HPSE2: variants seen among roughly 807,000 people sequenced by gnomAD.
The protein encoded by HPSE2 is heparanase 2 (inactive), also known as inactive heparanase-2.
HPSE2 carries 38 observed loss-of-function variants against 60.5 expected under a neutral mutation model. The observed-to-expected ratio is 0.63, with a 90% CI of 0.48 to 0.82. The LOEUF is 0.82. Ranked by LOEUF, HPSE2 falls within the 40% of genes least tolerant of loss-of-function variation. The pLI is 0.00. For missense variants in HPSE2, 713 were observed against 740.4 expected, an observed-to-expected ratio of 0.96 and a Z score of 0.43; for synonymous variants, 295 against 293.2, an observed-to-expected ratio of 1.01 and a Z score of -0.06.
chr10:98,913,048 A>G (rs1023620002), intron 3 of HPSE2, among the ~76,000 whole-genome samples: 36 of 152,328 alleles, frequency 2.4e-4, no homozygotes, highest in African/African-American at 8.7e-4. Flanking sequence ...GTACCCCATA[A>G]ATATATATAC....
At chr10:99,181,397 C>CAAA (rs58049545) in intron 2 of HPSE2, among the ~76,000 whole-genome samples, 3 of 104,764 alleles carry the variant, frequency 2.9e-5, no homozygotes, top group African/African-American at 1.1e-4. Context: ...GACTCCGTCT[C>CAAA]AAAAAAAAAA....
intron 3 of HPSE2, among the ~76,000 whole-genome samples, chr10:99,115,375 C>T (rs976944014): frequency 4.6e-5 from 7 of 151,988 alleles, no homozygotes; most frequent in South Asian, 2.1e-4. Flanking sequence ...AGGATGGTCT[C>T]GATCTCCTGA....
intron 7 of HPSE2, among the ~76,000 whole-genome samples, chr10:98,625,736 G>A (rs375361426): frequency 1.4e-4 from 21 of 152,222 alleles, no homozygotes; most frequent in African/African-American, 4.6e-4. Context: ...AAACATCACC[G>A]AATTTCTAAA....
At position 99,132,195 on chromosome 10, in the gene HPSE2, G is replaced by GAAAGAAAGAAAGAA. The variant is rs1564832790; in HGVS notation, c.610+12042_610+12043insTTCTTTCTTTCTTT. 1.2e-3 allele frequency among the ~76,000 whole-genome samples: 17 copies of GAAAGAAAGAAAGAA among 14,122 alleles called. 1 individual carries two copies. The highest frequency in any genetic ancestry group is 2.2e-3 in the African/African-American group (15 of 6,682). The allele number at this position is 14,122 out of a possible 152,430, so 9.3% of individuals were successfully genotyped here. ...AAAGAAAGAAAGAAAGAAAGAAAGAGAGAGAGAGAGAGAGAGAGAGAGAGA... is the reference window on the plus strand; with the variant it reads ...AAAGAAAGAAAGAAAGAAAGAAAGAGAAAGAAAGAAAGAAAGAGAGAGAGAGAGAGAGAGAGAGA... On this transcript the variant is annotated intron_variant, in intron 3 of 11. Transcript: ENST00000370552.
chr10:99,298,074 C>T, the HPSE2 span, among the ~76,000 whole-genome samples: 103 of 152,230 alleles, frequency 6.8e-4, no homozygotes, highest in Non-Finnish European at 1.4e-3. Flanking sequence ...ACAGAGCTAC[C>T]TACAGCATTA....
At chr10:98,973,907 A>T (rs759035472) in intron 3 of HPSE2, among the ~76,000 whole-genome samples, 2 of 152,164 alleles carry the variant, frequency 1.3e-5, no homozygotes, top group Non-Finnish European at 2.9e-5. Context: ...CATCCTCATC[A>T]TCCTCCATAC....
At chr10:98,941,082 T>G (rs981366611) in intron 3 of HPSE2, among the ~76,000 whole-genome samples, 2 of 141,746 alleles carry the variant, frequency 1.4e-5, no homozygotes, top group African/African-American at 5.9e-5. Context: ...GGGACGTATC[T>G]CAAAAGAATA....
At chr10:98,858,969 C>A (rs1952385087) in intron 3 of HPSE2, among the ~76,000 whole-genome samples, 1 of 152,110 alleles carries the variant, frequency 6.6e-6, no homozygotes, top group South Asian at 2.1e-4. Context: ...CACTTTATTG[C>A]CCGGGCTGGA....
At chr10:99,069,760 A>G (rs1458486948) in intron 3 of HPSE2, among the ~76,000 whole-genome samples, 1 of 151,914 alleles carries the variant, frequency 6.6e-6, no homozygotes, top group Non-Finnish European at 1.5e-5. Flanking sequence ...GTATCATCTC[A>G]TCTAATGCTC....
the HPSE2 span, among the ~76,000 whole-genome samples, chr10:99,248,865 T>G: frequency 6.6e-6 from 1 of 152,320 alleles, no homozygotes; most frequent in Non-Finnish European, 1.5e-5. Context: ...GAGCCCCAGA[T>G]AGGTCTCAGA....
At chr10:98,797,506 A>G (rs1239794307) in intron 3 of HPSE2, among the ~76,000 whole-genome samples, 1 of 152,282 alleles carries the variant, frequency 6.6e-6, no homozygotes, top group African/African-American at 2.4e-5. Context: ...TAACCTCAAA[A>G]GGGTAATCTA....
At chr10:98,676,654 A>T (rs1947649380) in intron 6 of HPSE2, among the ~76,000 whole-genome samples, 1 of 152,078 alleles carries the variant, frequency 6.6e-6, no homozygotes, top group Admixed American at 6.6e-5. Context: ...AGAGGAGAGG[A>T]TTCATGTAGA....
At chr10:99,305,979 G>GCGCGCGCGCGCGCGCGCGCGCACACA in the HPSE2 span, among the ~76,000 whole-genome samples, 1 of 80,580 alleles carries the variant, frequency 1.2e-5, no homozygotes, top group Non-Finnish European at 2.4e-5. Context: ...GCGCGCGCGC[G>GCGCGCGCGCGCGCGCGCGCGCACACA]CACACACACA....
intron 3 of HPSE2, among the ~76,000 whole-genome samples, chr10:98,902,231 A>G (rs1376356034): frequency 6.6e-6 from 1 of 152,186 alleles, no homozygotes; most frequent in Non-Finnish European, 1.5e-5. Context: ...CAGTTTTGCA[A>G]ACTAGGAGGT....
intron 6 of HPSE2, among the ~76,000 whole-genome samples, chr10:98,690,245 A>G (rs1283659882): frequency 6.6e-6 from 1 of 152,194 alleles, no homozygotes; most frequent in Non-Finnish European, 1.5e-5. Flanking sequence ...GAATTGTTAA[A>G]TAACTACAGA....
At chr10:98,646,926 C>T (rs1373162584) in intron 6 of HPSE2, among the ~76,000 whole-genome samples, 1 of 152,184 alleles carries the variant, frequency 6.6e-6, no homozygotes, top group East Asian at 1.9e-4. Flanking sequence ...GCATACTCTT[C>T]CAGTTTTTCA....
intron 9 of HPSE2, among the ~76,000 whole-genome samples, chr10:98,571,307 C>G (rs1462155883): frequency 1.3e-5 from 2 of 151,994 alleles, no homozygotes; most frequent in African/African-American, 4.8e-5. Context: ...AGTTTAAGAC[C>G]AGCCTGGGCA....
intron 11 of HPSE2, among the ~76,000 whole-genome samples, chr10:98,480,817 TC>T (rs1294754770): frequency 6.6e-6 from 1 of 152,176 alleles, no homozygotes; most frequent in Non-Finnish European, 1.5e-5. Context: ...GTATCCTTCC[TC>T]TTTCTCAACC....
chr10:99,202,224 C>T (rs1848598522), intron 2 of HPSE2, among the ~76,000 whole-genome samples: 1 of 151,946 alleles, frequency 6.6e-6, no homozygotes, highest in Non-Finnish European at 1.5e-5. Context: ...GCAGAGATAC[C>T]AGGAACAGAG....
Sources: allele counts gnomAD v4.1 joint callset (sites outside exome capture counted in the v4.1 genomes callset), GRCh38; gene constraint gnomAD v4.1.1; transcripts MANE v1.5; gene names NCBI Gene and HGNC (gene_info 2026-07-23, HGNC 2026-07-21).